TGFBR1: variants seen among roughly 807,000 people sequenced by gnomAD.
TGFBR1 encodes the protein transforming growth factor beta receptor 1.
A neutral mutation model predicts 55.1 loss-of-function variants in TGFBR1; 20 were observed. The observed-to-expected ratio is 0.36, with a 90% CI of 0.26 to 0.53. The LOEUF (loss-of-function observed/expected upper bound fraction) is 0.53. Ranked by LOEUF, TGFBR1 falls within the 20% of genes least tolerant of loss-of-function variation. TGFBR1 has a pLI of 0.91. For missense variants in TGFBR1, 385 were observed against 617.6 expected (o/e 0.62, Z 3.99); for synonymous variants, 220 against 214.8 (o/e 1.02, Z -0.21).
intron 1 of TGFBR1, among the ~76,000 whole-genome samples, chr9:99,115,918 A>G (rs565626751): frequency 2.6e-5 from 4 of 152,290 alleles, no homozygotes; most frequent in African/African-American, 9.6e-5. Flanking sequence ...GAGTCTGGTC[A>G]TGTTTGTCAG....
Position 99,149,393 on chromosome 9 carries a change from A to G in TGFBR1, c.*88A>G, listed in dbSNP as rs1827910777. ...AGGTCAATTGTTCTACCTCACTGAG[A>G]GGGAACAGAAGGATATTGCTTCCTT... On this transcript the variant is annotated 3_prime_UTR_variant, in exon 9 of 9. Transcript: ENST00000374994. 20 of 1,540,964 alleles carry G rather than the reference A, an allele frequency of 1.3e-5. No homozygotes were observed. Among genetic ancestry groups the G allele is most frequent in the Non-Finnish European group, 1.7e-5 (19 of 1,115,892 alleles).
In TGFBR1 at chr9:99,149,605, G is replaced by T. The variant is rs1827920929; in HGVS notation, c.*300G>T. On this transcript the variant is annotated 3_prime_UTR_variant, in exon 9 of 9. Coordinates refer to ENST00000374994, the MANE Select transcript of TGFBR1 (RefSeq NM_004612.4). ...AGATGATTGCTGGTCTTAACTTTAG[G>T]TAACTCTGCTGTGCTGGAGATCATC... 4.9e-6 allele frequency: 2 copies of T among 408,438 alleles called. No homozygotes were observed. Among genetic ancestry groups the T allele is most frequent in the African/African-American group, 4.0e-5 (2 of 50,068 alleles). The allele number at this position is 408,438 out of a possible 1,614,324, so 25.3% of individuals were successfully genotyped here. A position where few individuals can be genotyped will look rare whatever the true frequency, so the allele number is the denominator to read the frequency against.
intron 1 of TGFBR1, among the ~76,000 whole-genome samples, chr9:99,115,202 G>T (rs765591125): frequency 4.0e-5 from 6 of 151,760 alleles, no homozygotes; most frequent in Non-Finnish European, 7.4e-5. Flanking sequence ...CCTTTTTTCT[G>T]CAGTTGCTGT....
rs553002176 is a variant in TGFBR1, at chr9:99,134,731, A to G, written c.574+1992A>G. Among the ~76,000 whole-genome samples the G allele has an allele frequency of 2.0e-5, 3 of 148,194 alleles. No individual in the cohort carries two copies. The South Asian group carries it at 6.5e-4, about 32-fold the overall frequency. On this transcript the variant is annotated intron_variant, in intron 3 of 8. Coordinates refer to ENST00000374994, the MANE Select transcript of TGFBR1 (RefSeq NM_004612.4). ...ATTGGTGGGTGGGTGGCAGTTGATT[A>G]CTGGATAAGAATATCTTCATTAACC... is the stretch of plus-strand genomic sequence containing the variant.
intron 3 of TGFBR1, among the ~76,000 whole-genome samples, chr9:99,133,886 C>T (rs1372708103): frequency 6.6e-6 from 1 of 151,860 alleles, no homozygotes; most frequent in African/African-American, 2.4e-5. Flanking sequence ...CGCCTGTAGT[C>T]CCAGCTACTC....
chr9:99,122,404 C>T (rs527373264), intron 1 of TGFBR1, among the ~76,000 whole-genome samples: 1 of 152,116 alleles, frequency 6.6e-6, no homozygotes, highest in Non-Finnish European at 1.5e-5. Context: ...CCCTGGGTAG[C>T]CCTGGCATTA....
At chr9:99,133,139 A>T (rs1479307537) in intron 3 of TGFBR1, among the ~76,000 whole-genome samples, 1 of 152,246 alleles carries the variant, frequency 6.6e-6, no homozygotes, top group Non-Finnish European at 1.5e-5. Context: ...TAGCAGCTTG[A>T]TGTTTACATT....
chr9:99,133,269 T>C (rs750985586), intron 3 of TGFBR1, among the ~76,000 whole-genome samples: 37 of 152,140 alleles, frequency 2.4e-4, no homozygotes, highest in Non-Finnish European at 3.5e-4. Flanking sequence ...TGAACTCTTA[T>C]GTCATTTTCT....
At chr9:99,130,054 T>C (rs1217887616) in intron 2 of TGFBR1, among the ~76,000 whole-genome samples, 2 of 152,184 alleles carry the variant, frequency 1.3e-5, no homozygotes, top group Non-Finnish European at 2.9e-5. Context: ...CAAAGGAATA[T>C]AAAAATGAGG....
chr9:99,134,802 T>TTTTATATATATATA lies in TGFBR1; in HGVS notation c.574+2064_574+2065insTTATATATATATAT, dbSNP rs1554700023. On this transcript the variant is annotated intron_variant, in intron 3 of 8. Coordinates refer to ENST00000374994, the MANE Select transcript of TGFBR1 (RefSeq NM_004612.4). ...AAACAATGGAATAATTCTGTTTCCA[T>TTTTATATATATATA]TATATATATATATATATATATATAT... Among the ~76,000 whole-genome samples the TTTTATATATATATA allele has an allele frequency of 3.6e-3, 147 of 41,364 alleles. 10 individuals carry two copies. Among genetic ancestry groups the TTTTATATATATATA allele is most frequent in the South Asian group, 5.0e-3 (6 of 1,200 alleles). 27.1% of individuals were successfully genotyped at this position (41,364 alleles called of 152,430 possible). A position where few individuals can be genotyped will look rare whatever the true frequency, so the allele number is the denominator to read the frequency against.
In TGFBR1 at chr9:99,128,012, A is replaced by G. The variant is rs189740990; in HGVS notation, c.98-843A>G. The G allele has an allele frequency of 9.9e-5, 45 of 456,032 alleles. No homozygotes were observed. In the East Asian group the frequency reaches 2.4e-3, roughly 25 times the overall value. The allele number at this position is 456,032 out of a possible 1,614,324, so 28.2% of individuals were successfully genotyped here. ...AAAACTAGCAATTCTGGTAAGCAGT[A>G]TGTGTTTTGGAGAGCACTTAACTTC... On this transcript the variant is annotated intron_variant, in intron 1 of 8. Transcript: ENST00000374994.
chr9:99,142,082 A>G (rs1588589661), intron 4 of TGFBR1, among the ~76,000 whole-genome samples: 1 of 151,316 alleles, frequency 6.6e-6, no homozygotes, highest in African/African-American at 2.4e-5. Flanking sequence ...TTTGTCCCAT[A>G]CTCTTCCATT....
Position 99,146,596 on chromosome 9 carries a change from A to G in TGFBR1, c.1242A>G (p.Arg414=). ...TAGTATTCTGGGAAATTGCTCGACGATGTTCCATTGGTGGTAAATTGCTCT... is the reference window on the plus strand; with the variant it reads ...TAGTATTCTGGGAAATTGCTCGACGGTGTTCCATTGGTGGTAAATTGCTCT... ...MGLVFWEIAR[R]CSIGGIHEDY... Residue 414 remains arginine, a synonymous_variant, in exon 7 of 9, where the codon CGA becomes CGG. Transcript: ENST00000374994. The G allele has an allele frequency of 1.9e-6, 3 of 1,613,948 alleles. No individual in the cohort carries two copies. Among genetic ancestry groups the G allele is most frequent in the Non-Finnish European group, 2.5e-6 (3 of 1,179,880 alleles).
chr9:99,142,136 G>A (rs1036043663), intron 4 of TGFBR1, among the ~76,000 whole-genome samples: 1 of 151,962 alleles, frequency 6.6e-6, no homozygotes, highest in African/African-American at 2.4e-5. Flanking sequence ...TCACCTCCTT[G>A]CTTCCCTCTC....
intron 1 of TGFBR1, among the ~76,000 whole-genome samples, chr9:99,111,183 C>A (rs10819637): frequency 0.16 from 24,473 of 150,486 alleles, 2,109 homozygotes; most frequent in Non-Finnish European, 0.2. Flanking sequence ...ATATTCATAG[C>A]AAATTCTTTT....
chr9:99,140,318 G>A (rs1232801981), intron 4 of TGFBR1, among the ~76,000 whole-genome samples: 2 of 152,144 alleles, frequency 1.3e-5, no homozygotes, highest in South Asian at 2.1e-4. Context: ...AGCCAGGCAT[G>A]ATGGCAGGTG....
At chr9:99,127,590 G>A (rs941838474) in intron 1 of TGFBR1, among the ~76,000 whole-genome samples, 1 of 152,198 alleles carries the variant, frequency 6.6e-6, no homozygotes, top group Non-Finnish European at 1.5e-5. Context: ...CAGGGTTTGA[G>A]CAACTCAGTC....
At chr9:99,103,871 T>C (rs1386770005), upstream of TGFBR1, among the ~76,000 whole-genome samples, 1 of 152,230 alleles carries the variant, frequency 6.6e-6, no homozygotes, top group Non-Finnish European at 1.5e-5. Flanking sequence ...CCAGTGACTC[T>C]AAAGTAGTGC....
At chr9:99,110,417 A>G (rs1315781286) in intron 1 of TGFBR1, among the ~76,000 whole-genome samples, 13 of 151,982 alleles carry the variant, frequency 8.6e-5, no homozygotes, top group Non-Finnish European at 1.8e-4. Context: ...CTTGAATGGT[A>G]GTTGTATAGA....
Sources: gnomAD v4.1 joint callset for allele counts (sites outside exome capture counted in the v4.1 genomes callset) on GRCh38, gnomAD v4.1.1 for gene constraint, MANE v1.5 for transcripts, NCBI Gene and HGNC (gene_info 2026-07-23, HGNC 2026-07-21) for gene names.